Variants in ZFHX3 observed in about 807,000 individuals in gnomAD.
ZFHX3 encodes zinc finger homeobox protein 3.
A neutral mutation model predicts 279.1 loss-of-function variants in ZFHX3; 42 were observed. That is an observed-to-expected ratio of 0.15 (90% CI 0.12 to 0.19). The LOEUF is 0.19. Among genes scored for constraint, ZFHX3 ranks in the 10% least tolerant of loss-of-function variants. The probability of loss-of-function intolerance (pLI) is 1.00; values close to 1 mark genes in which losing one functional copy is unlikely to be tolerated. For missense variants in ZFHX3, 4,981 were observed against 4,754.0 expected, an observed-to-expected ratio of 1.05 and a Z score of -1.40; for synonymous variants, 2,293 against 1,957.8, an observed-to-expected ratio of 1.17 and a Z score of -4.52.
chr16:73,299,197 C>A, intron 4 of ZFHX3, among the ~76,000 whole-genome samples: 1 of 152,136 alleles, frequency 6.6e-6, no homozygotes, highest in Non-Finnish European at 1.5e-5. Context: ...ACATTTGAAA[C>A]AAACATTCCT....
At chr16:73,817,647 T>C (rs1030795857) in intron 1 of ZFHX3, among the ~76,000 whole-genome samples, 6 of 152,184 alleles carry the variant, frequency 3.9e-5, no homozygotes, top group Non-Finnish European at 7.4e-5. Flanking sequence ...ACAGGCCTGG[T>C]GCCCATGACT....
At chr16:73,888,155 G>A (rs1191466890) in intron 1 of ZFHX3, among the ~76,000 whole-genome samples, 1 of 152,128 alleles carries the variant, frequency 6.6e-6, no homozygotes, top group Non-Finnish European at 1.5e-5. Flanking sequence ...CAATGGACAG[G>A]TATTTGTACT....
chr16:73,043,049 T>C (rs1378079534), intron 1 of ZFHX3, among the ~76,000 whole-genome samples: 1 of 150,272 alleles, frequency 6.7e-6, no homozygotes, highest in Non-Finnish European at 1.5e-5. Flanking sequence ...CAGCCAGGAG[T>C]AGGGGTGGGA....
intron 4 of ZFHX3, among the ~76,000 whole-genome samples, chr16:73,313,639 C>A (rs1375580543): frequency 6.6e-6 from 1 of 152,162 alleles, no homozygotes; most frequent in Non-Finnish European, 1.5e-5. Context: ...GTATTAGTAA[C>A]AATAGAACTA....
chr16:72,828,247 T>C (rs2036980546), intron 5 of ZFHX3, among the ~76,000 whole-genome samples: 1 of 152,172 alleles, frequency 6.6e-6, no homozygotes, highest in Non-Finnish European at 1.5e-5. Context: ...TTAATAATGG[T>C]AGTAAGAATT....
chr16:73,130,827 C>T (rs1415776477), intron 7 of ZFHX3: 10 of 536,556 alleles, frequency 1.9e-5, no homozygotes, highest in South Asian at 5.3e-5. Flanking sequence ...AGGCTGGTCT[C>T]GAACTCCTGA....
In ZFHX3 at chr16:73,502,736, G is replaced by A. The variant is rs116588367; in HGVS notation, c.-1546-46478C>T. ...GCTGAAAGAGTGAGAAGATGACCTGGTATCCCCATGCAATGAACACAGGCT... is the reference window on the plus strand; with the variant it reads ...GCTGAAAGAGTGAGAAGATGACCTGATATCCCCATGCAATGAACACAGGCT... On this transcript the variant is annotated intron_variant, in intron 2 of 17. Coordinates refer to the ZFHX3 transcript ENST00000641206. 7.8e-3 allele frequency among the ~76,000 whole-genome samples: 1,182 copies of A among 152,248 alleles called. 11 individuals are homozygous for A. Among genetic ancestry groups the A allele is most frequent in the African/African-American group, 0.027 (1,125 of 41,522 alleles).
chr16:73,596,141 C>T (rs981901703), intron 2 of ZFHX3, among the ~76,000 whole-genome samples: 3 of 151,954 alleles, frequency 2.0e-5, no homozygotes, highest in African/African-American at 7.3e-5. Context: ...CTGCCTCGGC[C>T]TCCTGAGTTA....
At position 73,512,451 on chromosome 16, in the gene ZFHX3, G is replaced by GAA. The variant is rs11455796; in HGVS notation, c.-1546-56195_-1546-56194dup. Reference sequence around the variant, plus strand: ...AACAGAGCGAGACTCCGTCTCAAAAGAAAAAAAAAAAAAAAGAATGGATCT... The same window carrying GAA: ...AACAGAGCGAGACTCCGTCTCAAAAGAAAAAAAAAAAAAAAAAGAATGGATCT... On this transcript the variant is annotated intron_variant, in intron 2 of 17. Coordinates refer to the ZFHX3 transcript ENST00000641206. Among the ~76,000 whole-genome samples the GAA allele has an allele frequency of 1.4e-3, 147 of 104,928 alleles. 3 individuals carry two copies. Among genetic ancestry groups the GAA allele is most frequent in the East Asian group, 0.011 (43 of 3,956 alleles). The allele number at this position is 104,928 out of a possible 152,430, so 68.8% of individuals were successfully genotyped here.
chr16:73,631,927 T>TCTCTCACACACACACA (rs1437204921), intron 2 of ZFHX3, among the ~76,000 whole-genome samples: 1 of 136,728 alleles, frequency 7.3e-6, no homozygotes, highest in African/African-American at 2.9e-5. Context: ...TCTCTCTCTC[T>TCTCTCACACACACACA]CACACACACA....
Position 72,794,866 on chromosome 16 carries a change from T to C in ZFHX3, c.7816A>G (p.Thr2606Ala), listed in dbSNP as rs557277928. 21 of 1,613,644 alleles carry C rather than the reference T, an allele frequency of 1.3e-5. No individual in the cohort carries two copies. In the South Asian group the frequency reaches 1.6e-4, roughly 13 times the overall value. The change falls in exon 9 of 10, where the codon ACT (threonine) becomes GCT (alanine). Residue 2606 changes from threonine to alanine, a missense_variant. By Grantham distance (58) the Thr-to-Ala change is moderately conservative. Transcript: ENST00000268489. The surrounding 1 kb of genome is among the most constrained non-coding windows in gnomAD (Gnocchi z 4.2). ...AGAGTGTTCATTGTGGAGGTTGGAG[T>C]TGAAGGAGAAGTGGCTGAGCTTGCT... ...IPASSATSPS[T>A]PTSTMNTLKR...
chr16:73,333,795 C>A (rs1416553697), intron 3 of ZFHX3, among the ~76,000 whole-genome samples: 2 of 133,122 alleles, frequency 1.5e-5, no homozygotes, highest in Admixed American at 1.5e-4. Context: ...AAGTTTTCAC[C>A]CCAAGAGACC....
intron 1 of ZFHX3, among the ~76,000 whole-genome samples, chr16:73,715,618 G>T (rs982653326): frequency 1.4e-5 from 2 of 143,978 alleles, no homozygotes; most frequent in East Asian, 4.1e-4. Flanking sequence ...TGTTGCCCAG[G>T]CTGGAATGCA....
intron 6 of ZFHX3, among the ~76,000 whole-genome samples, chr16:73,132,863 T>C (rs1327547619): frequency 1.3e-5 from 2 of 152,256 alleles, no homozygotes; most frequent in African/African-American, 2.4e-5. Flanking sequence ...ATGCTCGATG[T>C]TGGCCATCTC....
rs1256180973 is a variant in ZFHX3 at position 72,787,228 on chromosome 16, T to G, written c.11048A>C (p.Lys3683Thr). Residue 3683 changes from lysine (K) to threonine (T), a missense_variant, in exon 10 of 10, where the codon AAA becomes ACA. Lys to Thr is a moderately conservative substitution (Grantham distance 78). This residue lies in a region of ZFHX3 where 1,034 missense variants were observed against 786.0 expected (regional missense o/e 1.32). Coordinates refer to ENST00000268489, the MANE Select transcript of ZFHX3 (RefSeq NM_006885.4). Reference sequence around the variant, plus strand: ...ACTGTCCTTGGGGCAGCTGGGGTCTTTGGGACCCTCCACCGGGCTCGCCGG... The same window carrying G: ...ACTGTCCTTGGGGCAGCTGGGGTCTGTGGGACCCTCCACCGGGCTCGCCGG... ...DGPASPVEGP[K>T]DPSCPKDSGL... 5.0e-6 allele frequency: 8 copies of G among 1,613,992 alleles called. No individual in the cohort carries two copies. Among genetic ancestry groups the G allele is most frequent in the Non-Finnish European group, 6.8e-6 (8 of 1,179,994 alleles).
intron 2 of ZFHX3, among the ~76,000 whole-genome samples, chr16:73,606,011 G>A (rs954560869): frequency 1.3e-5 from 2 of 151,172 alleles, no homozygotes; most frequent in African/African-American, 2.4e-5. Context: ...GTGAAAGCCC[G>A]TCTCTACTAA....
chr16:73,405,568 T>A (rs1165782685), intron 3 of ZFHX3, among the ~76,000 whole-genome samples: 1 of 149,916 alleles, frequency 6.7e-6, no homozygotes, highest in Admixed American at 6.7e-5. Flanking sequence ...CACTGTAATT[T>A]ATACATTAGT....
intron 2 of ZFHX3, among the ~76,000 whole-genome samples, chr16:73,643,754 C>T (rs1454005769): frequency 6.6e-6 from 1 of 152,116 alleles, no homozygotes; most frequent in Non-Finnish European, 1.5e-5. Flanking sequence ...TTCTCCCCAC[C>T]GTATCTCTTC....
chr16:73,170,982 G>A (rs919031083), intron 5 of ZFHX3, among the ~76,000 whole-genome samples: 1 of 152,120 alleles, frequency 6.6e-6, no homozygotes, highest in African/African-American at 2.4e-5. Flanking sequence ...GCGACAGCGT[G>A]CGGCAGGGAT....
Sources: gnomAD v4.1 joint callset for allele counts (sites outside exome capture counted in the v4.1 genomes callset) on GRCh38, gnomAD v4.1.1 for gene constraint, gnomAD v4.1.1 regional missense constraint, Gnocchi (gnomAD v3.1) non-coding constraint, MANE v1.5 for transcripts, NCBI Gene and HGNC (gene_info 2026-07-23, HGNC 2026-07-21) for gene names.